The following UBAP1 variants were observed in gnomAD, a reference collection of about 807,000 sequenced individuals.
UBAP1 encodes ubiquitin associated protein 1.
A neutral mutation model predicts 39.0 loss-of-function variants in UBAP1; 5 were observed. That is an observed-to-expected ratio of 0.13 (90% CI 0.07 to 0.27). UBAP1 has a LOEUF of 0.27. UBAP1 is among the 10% of genes least tolerant of loss of function. The probability of loss-of-function intolerance (pLI) is 1.00; values close to 1 mark genes in which losing one functional copy is unlikely to be tolerated. For synonymous variants in UBAP1, 211 were observed against 225.1 expected (o/e 0.94, Z 0.56); for missense variants, 490 against 608.1 (o/e 0.81, Z 2.04).
chr9:34,183,892 T>G (rs1830230334), intron 1 of UBAP1, among the ~76,000 whole-genome samples: 1 of 151,624 alleles, frequency 6.6e-6, no homozygotes, highest in Admixed American at 6.6e-5. Flanking sequence ...TACCCCAGGC[T>G]CCCGAGTAGC....
At chr9:34,201,731 T>G (rs570307839) in intron 1 of UBAP1, among the ~76,000 whole-genome samples, 1 of 152,250 alleles carries the variant, frequency 6.6e-6, no homozygotes, top group Admixed American at 6.5e-5. Flanking sequence ...TCCAGTTCAA[T>G]GCCGACACTG....
At chr9:34,182,746 A>G (rs1465889571) in intron 1 of UBAP1, among the ~76,000 whole-genome samples, 1 of 131,166 alleles carries the variant, frequency 7.6e-6, no homozygotes, top group Non-Finnish European at 1.6e-5. Flanking sequence ...CTTTTCACTC[A>G]GTCGCCCAGG....
At chr9:34,206,631 C>T (rs1831711808) in intron 1 of UBAP1, among the ~76,000 whole-genome samples, 1 of 151,500 alleles carries the variant, frequency 6.6e-6, no homozygotes, top group East Asian at 1.9e-4. Context: ...TTTCATAAGC[C>T]AGGTATTTTC....
intron 1 of UBAP1, among the ~76,000 whole-genome samples, chr9:34,198,246 C>T (rs909227258): frequency 3.9e-5 from 6 of 152,150 alleles, no homozygotes; most frequent in Non-Finnish European, 7.4e-5. Flanking sequence ...AGGGTATGCA[C>T]CATAGATGGG....
At chr9:34,210,663 T>C (rs1341028166) in intron 1 of UBAP1, among the ~76,000 whole-genome samples, 1 of 151,054 alleles carries the variant, frequency 6.6e-6, no homozygotes, top group Non-Finnish European at 1.5e-5. Context: ...AGGGTTGCAG[T>C]GAGCCGAGAT....
At chr9:34,214,409 A>G (rs957837785) in intron 1 of UBAP1, among the ~76,000 whole-genome samples, 1 of 152,342 alleles carries the variant, frequency 6.6e-6, no homozygotes, top group East Asian at 1.9e-4. Context: ...AAACAAAAAC[A>G]TAAAGTGGGG....
At chr9:34,202,548 C>G (rs1039802735) in intron 1 of UBAP1, among the ~76,000 whole-genome samples, 2 of 151,206 alleles carry the variant, frequency 1.3e-5, no homozygotes, top group Non-Finnish European at 2.9e-5. Flanking sequence ...TTTCTGAGGC[C>G]TGACATACCT....
chr9:34,241,023 T>C (rs1208690303), intron 3 of UBAP1, among the ~76,000 whole-genome samples, 162 bp from the exon 4 acceptor site: 1 of 152,098 alleles, frequency 6.6e-6, no homozygotes, highest in East Asian at 1.9e-4. Context: ...TACAAGGACA[T>C]TGGAAGCCTT....
chr9:34,202,194 T>G (rs547905445), intron 1 of UBAP1, among the ~76,000 whole-genome samples: 5 of 152,130 alleles, frequency 3.3e-5, no homozygotes, highest in Non-Finnish European at 5.9e-5. Context: ...GAGACACGCT[T>G]TCACTCTGTT....
In UBAP1 at chr9:34,217,783, CTTTTTTT is replaced by C. The variant is rs750494361; in HGVS notation, c.-7-3101_-7-3095del. 3.6e-4 allele frequency among the ~76,000 whole-genome samples: 15 copies of C among 41,222 alleles called. No individual in the cohort carries two copies. In the South Asian group the frequency reaches 4.1e-3, roughly 11 times the overall value. The allele number at this position is 41,222 out of a possible 152,430, so 27.0% of individuals were successfully genotyped here. On this transcript the variant is annotated intron_variant, in intron 1 of 6. Transcript: ENST00000297661. Reference sequence around the variant, plus strand: ...TTGTCATAAATGACAGGATTTCGTTCTTTTTTTTTTTTTTTTTTTTTTTTTTTTTTGA... The same window carrying C: ...TTGTCATAAATGACAGGATTTCGTTCTTTTTTTTTTTTTTTTTTTTTTTGA...
chr9:34,182,210 A>AGTCTC (rs1412813108), intron 1 of UBAP1, among the ~76,000 whole-genome samples: 1 of 130,818 alleles, frequency 7.6e-6, no homozygotes, highest in Non-Finnish European at 1.6e-5. Context: ...ATTGAGACTG[A>AGTCTC]GTCTCGCACT....
At position 34,241,209 on chromosome 9, in the gene UBAP1, A is replaced by G; in HGVS notation, c.184A>G (p.Thr62Ala). 2 of 1,466,130 alleles carry G rather than the reference A, an allele frequency of 1.4e-6. No individual in the cohort carries two copies. Among genetic ancestry groups the G allele is most frequent in the Non-Finnish European group, 9.0e-7 (1 of 1,107,846 alleles). The allele number at this position is 1,466,130 out of a possible 1,614,324, so 90.8% of individuals were successfully genotyped here. A position where few individuals can be genotyped will look rare whatever the true frequency, so the allele number is the denominator to read the frequency against. ...VQYDFSLEKK[T>A]IEWAEEIKKI... ...GTATGACTTCTCTTTGGAAAAGAAA[A>G]CCATTGAGTGGGCTGAAGAGATTAA... The change falls in exon 4 of 7, where the codon ACC becomes GCC. Residue 62 changes from threonine (T) to alanine (A), a missense_variant. This residue lies in a region of UBAP1 where 144 missense variants were observed against 184.4 expected (regional missense o/e 0.78). Coordinates refer to ENST00000297661, the MANE Select transcript of UBAP1 (RefSeq NM_016525.5).
intron 1 of UBAP1, among the ~76,000 whole-genome samples, chr9:34,187,733 T>G (rs1373356137): frequency 6.6e-6 from 1 of 151,984 alleles, no homozygotes; most frequent in Non-Finnish European, 1.5e-5. Flanking sequence ...TCTGTCCGGT[T>G]CCTTGGACTT....
At chr9:34,181,534 G>A (rs1005568518) in intron 1 of UBAP1, among the ~76,000 whole-genome samples, 9 of 151,264 alleles carry the variant, frequency 5.9e-5, no homozygotes, top group African/African-American at 9.8e-5. Context: ...CCGCGTTCAC[G>A]CCATTCTCCT....
intron 1 of UBAP1, among the ~76,000 whole-genome samples, chr9:34,182,663 CTTTCTT>C (rs1563881171): frequency 9.6e-5 from 6 of 62,752 alleles, no homozygotes; most frequent in South Asian, 7.9e-4. Flanking sequence ...TTCTTTCTTT[CTTTCTT>C]TCTTTCTTTC....
intron 1 of UBAP1, 46 bp downstream of exon 1, chr9:34,179,286 G>A: frequency 9.3e-7 from 1 of 1,078,140 alleles, no homozygotes; most frequent in Non-Finnish European, 1.2e-6. Flanking sequence ...GGGCGGAGTT[G>A]GGGGAGGGGG....
At chr9:34,232,838 A>C (rs1833499019) in intron 2 of UBAP1, among the ~76,000 whole-genome samples, 1 of 152,244 alleles carries the variant, frequency 6.6e-6, no homozygotes, top group African/African-American at 2.4e-5. Flanking sequence ...GTTGAAAAAC[A>C]AAATTTATTT....
Position 34,249,960 on chromosome 9 carries a change from A to T in UBAP1, c.1265A>T (p.Gln422Leu), listed in dbSNP as rs1227081826. Residue 422 changes from glutamine to leucine, a missense_variant and splice_region_variant, in exon 5 of 7, where the codon CAG becomes CTG. Transcript: ENST00000297661. ...AMKKKGENIE[Q>L]ILDYLFAHGQ... Reference sequence around the variant, plus strand: ...AAGAAGAAAGGAGAGAATATTGAGCAGGTGAGCGGTTGGTCAGCCAGGAGG... The same window carrying T: ...AAGAAGAAAGGAGAGAATATTGAGCTGGTGAGCGGTTGGTCAGCCAGGAGG... 2 of 1,613,818 alleles carry T rather than the reference A, an allele frequency of 1.2e-6. No individual in the cohort carries two copies. Among genetic ancestry groups the T allele is most frequent in the Admixed American group, 1.7e-5 (1 of 60,008 alleles).
intron 4 of UBAP1, among the ~76,000 whole-genome samples, chr9:34,248,755 A>G (rs1834309312): frequency 6.6e-6 from 1 of 152,224 alleles, no homozygotes; most frequent in South Asian, 2.1e-4. Flanking sequence ...TTACATCTGT[A>G]TAATTTCGAA....
Sources: allele counts gnomAD v4.1 joint callset (sites outside exome capture counted in the v4.1 genomes callset), GRCh38; gene constraint gnomAD v4.1.1; regional missense constraint gnomAD v4.1.1; transcripts MANE v1.5; gene names NCBI Gene and HGNC (gene_info 2026-07-23, HGNC 2026-07-21).